The following TECR variants were observed in gnomAD, a reference collection of about 807,000 sequenced individuals.
TECR encodes the protein very-long-chain enoyl-CoA reductase.
In TECR, 19 loss-of-function variants were observed where a neutral mutation model predicts 50.6. That is an observed-to-expected ratio of 0.38 (90% CI 0.26 to 0.55). The LOEUF (loss-of-function observed/expected upper bound fraction) is 0.55, where lower values mean the gene tolerates loss of function less well. TECR is among the 20% of genes least tolerant of loss of function. The probability of loss-of-function intolerance (pLI) is 0.79; values close to 1 mark genes in which losing one functional copy is unlikely to be tolerated. For synonymous variants in TECR, 168 were observed against 163.5 expected, an observed-to-expected ratio of 1.03 and a Z score of -0.21; for missense variants, 313 against 408.3, an observed-to-expected ratio of 0.77 and a Z score of 2.01.
chr19:14,564,984 A>C lies in TECR; in HGVS notation c.598A>C (p.Ile200Leu). 6.2e-7 allele frequency: 1 copy of C among 1,613,882 alleles called. No homozygotes were observed. Among genetic ancestry groups the C allele is most frequent in the South Asian group, 1.1e-5 (1 of 91,080 alleles). Residue 200 changes from isoleucine to leucine, a missense_variant, in exon 9 of 13, where the codon ATC becomes CTC. Coordinates refer to ENST00000215567, the MANE Select transcript of TECR (RefSeq NM_138501.6). ...GAQQVKLALAIFVICQLGNFS... is the reference protein window; with the variant it reads ...GAQQVKLALALFVICQLGNFS... ...TCAGCAGGTGAAACTGGCGCTCGCC[A>C]TCTTTGTGGTAAGGAGGCTGGGTGT... is the stretch of plus-strand genomic sequence containing the variant.
intron 1 of TECR, among the ~76,000 whole-genome samples, chr19:14,544,414 C>T (rs1312054725): frequency 6.6e-6 from 1 of 151,902 alleles, no homozygotes; most frequent in Non-Finnish European, 1.5e-5. Flanking sequence ...CAGGCTCAGC[C>T]GTTCAGCCGC....
Position 14,563,046 on chromosome 19 carries a change from G to C in TECR, c.67-160G>C, listed in dbSNP as rs926402926. ...CTGTCACTGCACTGGCAGGGCCCTC[G>C]GTGGTCCTTCCCTGACTGCAGGCAG... On this transcript the variant is annotated intron_variant, in intron 2 of 12. Coordinates refer to ENST00000215567, the MANE Select transcript of TECR (RefSeq NM_138501.6). This position sits in a 1 kb window ranked among gnomAD's most constrained non-coding sequence, Gnocchi z 5.3. The C allele has an allele frequency of 2.4e-6, 2 of 849,528 alleles. No homozygotes were observed. Among genetic ancestry groups the C allele is most frequent in the Non-Finnish European group, 3.7e-6 (2 of 540,800 alleles). The allele number at this position is 849,528 out of a possible 1,614,324, so 52.6% of individuals were successfully genotyped here.
intron 2 of TECR, 47 bp downstream of exon 2, chr19:14,562,622 G>C (rs369497175): frequency 1.9e-6 from 3 of 1,608,378 alleles, no homozygotes; most frequent in African/African-American, 1.3e-5. Flanking sequence ...ACTGGGCCCG[G>C]GACCCCAATC....
At chr19:14,557,121 ATTT>A (rs1185398352) in intron 1 of TECR, among the ~76,000 whole-genome samples, 10 of 140,114 alleles carry the variant, frequency 7.1e-5, no homozygotes, top group African/African-American at 2.5e-4. Flanking sequence ...AATCTTATTT[ATTT>A]ATTTATTTAT....
At chr19:14,555,502 G>C (rs2073691439) in intron 1 of TECR, among the ~76,000 whole-genome samples, 1 of 140,342 alleles carries the variant, frequency 7.1e-6, no homozygotes, top group South Asian at 2.2e-4. Context: ...CTGGAGTGCA[G>C]TGGTGCAATC....
chr19:14,564,630 C>T (rs1599504876), intron 7 of TECR, 156 bp from the exon 8 acceptor site: 4 of 740,570 alleles, frequency 5.4e-6, no homozygotes, highest in Non-Finnish European at 9.2e-6. Context: ...CCTGCCCTAG[C>T]CTCACCCCTT....
rs539335396 is a variant in TECR at position 14,539,876 on chromosome 19, CTTTCTTT to C, written c.15+10169_15+10175del. Among the ~76,000 whole-genome samples, 820 of 91,072 alleles carry C rather than the reference CTTTCTTT, an allele frequency of 9.0e-3. 8 individuals carry two copies. The highest frequency in any genetic ancestry group is 9.4e-3 in the Non-Finnish European group (414 of 44,016). The allele number at this position is 91,072 out of a possible 152,430, so 59.7% of individuals were successfully genotyped here. A position where few individuals can be genotyped will look rare whatever the true frequency, so the allele number is the denominator to read the frequency against. ...CCCATCTGGGCTTGGGTTGTGTTTT[CTTTCTTT>C]TTTTTTTTTTTTCTGAGACGGAGTC... On this transcript the variant is annotated intron_variant, in intron 1 of 12. Coordinates refer to ENST00000215567, the MANE Select transcript of TECR (RefSeq NM_138501.6).
intron 1 of TECR, among the ~76,000 whole-genome samples, chr19:14,546,804 C>T (rs1023479569): frequency 4.6e-5 from 7 of 152,166 alleles, no homozygotes; most frequent in Non-Finnish European, 1.0e-4. Flanking sequence ...ATTCTCCCAC[C>T]TTAGCCTCCC....
At chr19:14,550,598 G>C (rs1318982567) in intron 1 of TECR, among the ~76,000 whole-genome samples, 2 of 152,182 alleles carry the variant, frequency 1.3e-5, no homozygotes, top group Non-Finnish European at 2.9e-5. Flanking sequence ...TCCCCTGGGG[G>C]TCTGGGACCT....
At chr19:14,528,082 C>T (rs2072470059), upstream of TECR, among the ~76,000 whole-genome samples, 1 of 151,692 alleles carries the variant, frequency 6.6e-6, no homozygotes, top group South Asian at 2.1e-4. Flanking sequence ...CAGGGTTTCA[C>T]CACGTTGTCC....
At chr19:14,551,753 A>G (rs1277983124) in intron 1 of TECR, among the ~76,000 whole-genome samples, 2 of 151,960 alleles carry the variant, frequency 1.3e-5, no homozygotes, top group Non-Finnish European at 2.9e-5. Context: ...TCCTCAGGCC[A>G]GGCAGAGAGG....
At chr19:14,554,844 C>T (rs577839707) in intron 1 of TECR, among the ~76,000 whole-genome samples, 49 of 151,856 alleles carry the variant, frequency 3.2e-4, no homozygotes, top group Non-Finnish European at 5.0e-4. Flanking sequence ...AGTGGCCTGA[C>T]CTCTGCTCAC....
chr19:14,553,234 G>A (rs137981173), intron 1 of TECR, among the ~76,000 whole-genome samples: 81 of 152,268 alleles, frequency 5.3e-4, no homozygotes, highest in East Asian at 2.9e-3. Flanking sequence ...CAGCTTCTCC[G>A]GGTCCCGGGC....
chr19:14,550,212 A>G (rs778777246), intron 1 of TECR, among the ~76,000 whole-genome samples: 1 of 152,024 alleles, frequency 6.6e-6, no homozygotes, highest in Non-Finnish European at 1.5e-5. Flanking sequence ...CCTTACCTGC[A>G]AAAGAGGATG....
chr19:14,533,343 C>G (rs1336342993), intron 1 of TECR, among the ~76,000 whole-genome samples: 1 of 151,632 alleles, frequency 6.6e-6, no homozygotes, highest in Non-Finnish European at 1.5e-5. Flanking sequence ...TCACTTCAAC[C>G]TGGGAGGTGG....
intron 1 of TECR, chr19:14,533,931 A>AGATGAGACTCAAAGC (rs1346191534): frequency 6.6e-6 from 1 of 152,088 alleles, no homozygotes; most frequent in African/African-American, 2.4e-5. Flanking sequence ...TTGCCACTGC[A>AGATGAGACTCAAAGC]GATGAGACTC....
chr19:14,556,411 A>AAAAAAAAC (rs1408036154), intron 1 of TECR, among the ~76,000 whole-genome samples: 1 of 137,318 alleles, frequency 7.3e-6, no homozygotes, highest in Non-Finnish European at 1.6e-5. Context: ...ACTCTCTCAA[A>AAAAAAAAC]AAAAAAACAA....
chr19:14,553,864 C>T (rs2073625345), intron 1 of TECR, among the ~76,000 whole-genome samples: 2 of 152,138 alleles, frequency 1.3e-5, no homozygotes, highest in Non-Finnish European at 2.9e-5. Context: ...GGCTGGCCAG[C>T]TGCAGGACCT....
intron 1 of TECR, among the ~76,000 whole-genome samples, chr19:14,540,195 G>A (rs548249032): frequency 6.6e-6 from 1 of 152,100 alleles, no homozygotes; most frequent in African/African-American, 2.4e-5. Context: ...GAGTAGCTGG[G>A]AGTACAGGCA....
Sources: allele counts gnomAD v4.1 joint callset (sites outside exome capture counted in the v4.1 genomes callset), GRCh38; gene constraint gnomAD v4.1.1; non-coding constraint Gnocchi (gnomAD v3.1); transcripts MANE v1.5; gene names NCBI Gene and HGNC (gene_info 2026-07-23, HGNC 2026-07-21).